Variants in PPT1 observed in about 807,000 individuals in gnomAD.
The protein encoded by PPT1 is palmitoyl-protein thioesterase 1, also known as ceroid-palmitoyl-palmitoyl-protein thioesterase 1.
Under a neutral mutation model 44.0 loss-of-function variants are expected in PPT1, and 24 were observed. The observed-to-expected ratio is 0.54, with a 90% CI of 0.39 to 0.77. PPT1 has a LOEUF of 0.77. PPT1 is among the 30% of genes least tolerant of loss of function. PPT1 has a pLI of 0.00. For synonymous variants in PPT1, 148 were observed against 140.2 expected, an observed-to-expected ratio of 1.06 and a Z score of -0.39; for missense variants, 341 against 378.8, an observed-to-expected ratio of 0.90 and a Z score of 0.83.
intron 1 of PPT1, 169 bp downstream of exon 1, chr1:40,096,946 T>C: frequency 8.2e-7 from 1 of 1,215,170 alleles, no homozygotes; most frequent in Non-Finnish European, 1.2e-6. Flanking sequence ...AGGGGACGGC[T>C]CCTTCCCCTT....
Position 40,073,979 on chromosome 1 carries a change from G to C in PPT1, c.*82C>G, listed in dbSNP as rs140643152. 1 of 1,573,272 alleles carries C rather than the reference G, an allele frequency of 6.4e-7. No individual in the cohort carries two copies. The highest frequency in any genetic ancestry group is 1.7e-5 in the Admixed American group (1 of 59,922). On this transcript the variant is annotated 3_prime_UTR_variant, in exon 9 of 9. Coordinates refer to ENST00000642050, the MANE Select transcript of PPT1 (RefSeq NM_000310.4). ...AGTTGCAAGCTGGATCTGAGCTCAGGCTTGGGCATGAAGGAAACTGTCTCC... is the reference window on the plus strand; with the variant it reads ...AGTTGCAAGCTGGATCTGAGCTCAGCCTTGGGCATGAAGGAAACTGTCTCC...
chr1:40,078,647 C>G lies in PPT1; in HGVS notation c.639G>C (p.Glu213Asp), dbSNP rs751303272. The change falls in exon 7 of 9, where the codon GAG becomes GAC. Residue 213 changes from glutamate (E) to aspartate (D), a missense_variant. Transcript: ENST00000642050. ...GGGCCATCAGGTTTTTCTTGTAGGA[C>G]TCATTGATACCCTGAAAGAAAGGCC... ...ADINQERGIN[E>D]SYKKNLMALK... The G allele has an allele frequency of 1.2e-6, 2 of 1,613,418 alleles. No homozygotes were observed. The highest frequency in any genetic ancestry group is 8.5e-7 in the Non-Finnish European group (1 of 1,179,514).
intron 8 of PPT1, chr1:40,076,584 A>G: frequency 7.7e-7 from 1 of 1,305,526 alleles, no homozygotes; most frequent in Non-Finnish European, 9.8e-7. Context: ...GGAATCAGAC[A>G]TGAGGTTTCT....
intron 5 of PPT1, among the ~76,000 whole-genome samples, chr1:40,083,345 C>T (rs760270092): frequency 3.3e-5 from 5 of 152,154 alleles, no homozygotes; most frequent in Non-Finnish European, 5.9e-5. Context: ...GTCCTAGCTA[C>T]TCAGGAGGCT....
intron 2 of PPT1, 33 bp downstream of exon 2, chr1:40,092,365 A>G: frequency 6.4e-7 from 1 of 1,556,316 alleles, no homozygotes; most frequent in Non-Finnish European, 8.9e-7. Context: ...TCAGTCAGCA[A>G]CCCTTCAAAG....
chr1:40,092,691 CACTT>C lies in PPT1; in HGVS notation c.125-188_125-185del, dbSNP rs72144657. Among the ~76,000 whole-genome samples the C allele has an allele frequency of 0.054, 8,183 of 152,186 alleles. 270 individuals carry two copies. Among genetic ancestry groups the C allele is most frequent in the Non-Finnish European group, 0.074 (5,004 of 68,008 alleles). On this transcript the variant is annotated intron_variant, in intron 1 of 8. Coordinates refer to ENST00000642050, the MANE Select transcript of PPT1 (RefSeq NM_000310.4). ...CAGAATATACAAGGAATCTATAACT[CACTT>C]ACAACTCAACAAAAAGATAACCTAA...
intron 1 of PPT1, among the ~76,000 whole-genome samples, chr1:40,096,357 A>C (rs11207496): frequency 0.062 from 9,444 of 152,174 alleles, 376 homozygotes; most frequent in East Asian, 0.21. Context: ...TTAGTTCCCT[A>C]CTGTATCCTC....
chr1:40,078,708 A>G (rs748065608), intron 6 of PPT1, 50 bp from the exon 7 acceptor site: 13 of 1,472,150 alleles, frequency 8.8e-6, no homozygotes, highest in Non-Finnish European at 1.2e-5. Flanking sequence ...AGACACCAGC[A>G]GAGGGAGTAA....
chr1:40,094,215 T>A (rs976677865), intron 1 of PPT1, among the ~76,000 whole-genome samples: 3 of 152,198 alleles, frequency 2.0e-5, no homozygotes, highest in African/African-American at 7.2e-5. Context: ...TCAACCTTTT[T>A]GGCACCAGGG....
chr1:40,089,860 T>C (rs1344481035), intron 4 of PPT1, among the ~76,000 whole-genome samples: 1 of 151,786 alleles, frequency 6.6e-6, no homozygotes, highest in Non-Finnish European at 1.5e-5. Context: ...CCCCCAGTTA[T>C]ACTTCATCCT....
At position 40,072,943 on chromosome 1, in the gene PPT1, TCA is replaced by T. The variant is rs761904769; in HGVS notation, c.*1116_*1117del. ...ATGTCTTCCAAAAAGCGTTAAGTTT[TCA>T]CAGAGTGGGGACTATGATTTCCATG... On this transcript the variant is annotated 3_prime_UTR_variant, in exon 9 of 9. Transcript: ENST00000642050. The T allele has an allele frequency of 2.0e-5, 3 of 152,354 alleles. No homozygotes were observed. The highest frequency in any genetic ancestry group is 4.4e-5 in the Non-Finnish European group (3 of 68,024). The allele number at this position is 152,354 out of a possible 1,614,324, so 9.4% of individuals were successfully genotyped here.
chr1:40,074,307 T>A (rs1648458708), intron 8 of PPT1, 124 bp from the exon 9 acceptor site: 1 of 1,252,588 alleles, frequency 8.0e-7, no homozygotes, highest in Non-Finnish European at 1.1e-6. Flanking sequence ...AATTGAGGTG[T>A]ATTTTCAAAA....
In PPT1 at chr1:40,073,030, C is replaced by G. The variant is rs1160677594; in HGVS notation, c.*1031G>C. ...TTTTGTTTACTGTAACAGGAATTCT[C>G]AGGAGTCCTTAGACACTCTAATGTG... On this transcript the variant is annotated 3_prime_UTR_variant, in exon 9 of 9. Coordinates refer to ENST00000642050, the MANE Select transcript of PPT1 (RefSeq NM_000310.4). 1.3e-5 allele frequency: 2 copies of G among 152,222 alleles called. No homozygotes were observed. 9.4% of individuals were successfully genotyped at this position (152,222 alleles called of 1,614,324 possible).
chr1:40,093,936 T>A (rs1649709849), intron 1 of PPT1: 4 of 704,812 alleles, frequency 5.7e-6, no homozygotes, highest in Non-Finnish European at 1.1e-5. Flanking sequence ...CTCATACCTA[T>A]CATCCCAGCG....
chr1:40,081,609 CTT>C (rs1648946472), intron 5 of PPT1, among the ~76,000 whole-genome samples: 1 of 152,072 alleles, frequency 6.6e-6, no homozygotes, highest in Non-Finnish European at 1.5e-5. Flanking sequence ...CCCAAGCTCT[CTT>C]CTTTTGTCTA....
downstream of PPT1, chr1:40,072,267 A>AC (rs1648198169): frequency 3.3e-6 from 1 of 304,528 alleles, no homozygotes; most frequent in Non-Finnish European, 5.6e-6. Flanking sequence ...AAAAAAAAAA[A>AC]AAAACCCACA....
intron 5 of PPT1, 137 bp downstream of exon 5, chr1:40,089,273 C>T (rs576567090): frequency 1.4e-4 from 35 of 251,598 alleles, no homozygotes; most frequent in African/African-American, 8.3e-4. Flanking sequence ...GCAACAAGAG[C>T]GAAACTCCAT....
chr1:40,094,858 C>G (rs1470267067), intron 1 of PPT1, among the ~76,000 whole-genome samples: 2 of 152,208 alleles, frequency 1.3e-5, no homozygotes, highest in Non-Finnish European at 2.9e-5. Context: ...CTGCCTCTGC[C>G]TCCCCTGTAA....
downstream of PPT1, chr1:40,071,664 C>G (rs1648060996): frequency 1.6e-6 from 1 of 623,170 alleles, no homozygotes; most frequent in South Asian, 2.0e-5. Flanking sequence ...AGCACAGCTA[C>G]CTGCCTTCAC....
Sources: allele counts gnomAD v4.1 joint callset (sites outside exome capture counted in the v4.1 genomes callset), GRCh38; gene constraint gnomAD v4.1.1; transcripts MANE v1.5; gene names NCBI Gene and HGNC (gene_info 2026-07-23, HGNC 2026-07-21).